Variants in NRROS observed in about 807,000 individuals in gnomAD.
NRROS encodes the protein transforming growth factor beta activator LRRC33.
A neutral mutation model predicts 12.0 loss-of-function variants in NRROS; 6 were observed. The observed-to-expected ratio is 0.50, with a 90% CI of 0.27 to 0.98. The LOEUF is 0.98. Ranked by LOEUF, NRROS falls within the 50% of genes least tolerant of loss-of-function variation. The pLI is 0.11. For missense variants in NRROS, 857 were observed against 888.2 expected (o/e 0.96, Z 0.45); for synonymous variants, 462 against 410.2 (o/e 1.13, Z -1.53).
At chr3:196,642,271 T>G (rs1737223180) in intron 1 of NRROS, among the ~76,000 whole-genome samples, 1 of 138,034 alleles carries the variant, frequency 7.2e-6, no homozygotes, top group African/African-American at 2.8e-5. Context: ...AAAACCAACG[T>G]AAATATGCTT....
chr3:196,660,155 G>T lies in NRROS; in HGVS notation c.512G>T (p.Arg171Leu). 1.9e-6 allele frequency: 3 copies of T among 1,613,036 alleles called. No individual in the cohort carries two copies. Among genetic ancestry groups the T allele is most frequent in the Non-Finnish European group, 2.5e-6 (3 of 1,179,976 alleles). Residue 171 changes from arginine (R) to leucine (L), a missense_variant, in exon 3 of 3, where the codon CGG becomes CTG. By Grantham distance (102) the Arg-to-Leu change is moderately radical. Transcript: ENST00000328557. This position sits in a 1 kb window ranked among gnomAD's most constrained non-coding sequence, Gnocchi z 7.7. ...TCCCTGGCGGGGAACACCATCATGC[G>T]GCTGGACGACTCCGTCTTCGAGGGC... is the stretch of plus-strand genomic sequence containing the variant. ...SVSLAGNTIM[R>L]LDDSVFEGLE...
At position 196,656,064 on chromosome 3, in the gene NRROS, G is replaced by A. The variant is rs200393674; in HGVS notation, c.108+1417G>A. Among the ~76,000 whole-genome samples the A allele has an allele frequency of 2.2e-4, 33 of 152,212 alleles. No homozygotes were observed. The South Asian group carries it at 3.1e-3, about 14-fold the overall frequency. On this transcript the variant is annotated intron_variant, in intron 2 of 2. Transcript: ENST00000328557. ...CACATGCTTGTAGTCCCAGCTACTC[G>A]GGAGGCTGAGGAAGATTGCTTGAAC...
At chr3:196,649,596 C>G (rs937725798) in intron 1 of NRROS, among the ~76,000 whole-genome samples, 1 of 152,118 alleles carries the variant, frequency 6.6e-6, no homozygotes, top group Non-Finnish European at 1.5e-5. Flanking sequence ...CTCAGCCTCC[C>G]GAGTAGCTGG....
intron 2 of NRROS, among the ~76,000 whole-genome samples, chr3:196,657,413 C>T (rs1421814036): frequency 1.3e-5 from 2 of 151,846 alleles, no homozygotes; most frequent in African/African-American, 2.4e-5. Context: ...AGGAGCGCAA[C>T]ACCCACTCAC....
chr3:196,640,690 GAAGT>G (rs1178903008), intron 1 of NRROS, among the ~76,000 whole-genome samples: 1 of 152,212 alleles, frequency 6.6e-6, no homozygotes, highest in African/African-American at 2.4e-5. Context: ...TAGACGGAAA[GAAGT>G]AAGGAGCCAC....
rs1292036656 is a variant in NRROS at position 196,659,908 on chromosome 3, C to T, written c.265C>T (p.His89Tyr). The T allele has an allele frequency of 1.9e-6, 3 of 1,614,018 alleles. No individual in the cohort carries two copies. The highest frequency in any genetic ancestry group is 2.5e-6 in the Non-Finnish European group (3 of 1,180,016). The change falls in exon 3 of 3, where the codon CAC becomes TAC. Residue 89 changes from histidine to tyrosine, a missense_variant. Coordinates refer to ENST00000328557, the MANE Select transcript of NRROS (RefSeq NM_198565.3). ...CCCTCTCCTGGAGAGCCTCAGCCTGCACAGCTGCCACCTGGAGCGCATCAG... is the reference window on the plus strand; with the variant it reads ...CCCTCTCCTGGAGAGCCTCAGCCTGTACAGCTGCCACCTGGAGCGCATCAG... ...PYPLLESLSLHSCHLERISRG... is the reference protein window; with the variant it reads ...PYPLLESLSLYSCHLERISRG...
rs760894051 is a variant in NRROS at position 196,660,297 on chromosome 3, C to G, written c.654C>G (p.Pro218=). ...TCAACCTGGCCTTCAACAACCTCCCCTGCATCGTGGACTTCGGGCTCACGC... is the reference window on the plus strand; with the variant it reads ...TCAACCTGGCCTTCAACAACCTCCCGTGCATCGTGGACTTCGGGCTCACGC... ...RHLNLAFNNL[P]CIVDFGLTRL... is the part of the protein sequence containing the mutation. The change falls in exon 3 of 3, where the codon CCC becomes CCG. Residue 218 remains proline, a synonymous_variant. Transcript: ENST00000328557. The surrounding 1 kb of genome is among the most constrained non-coding windows in gnomAD (Gnocchi z 7.7). 4 of 1,614,036 alleles carry G rather than the reference C, an allele frequency of 2.5e-6. No individual in the cohort carries two copies. In the Admixed American group the frequency reaches 5.0e-5, roughly 20 times the overall value.
chr3:196,651,283 C>G (rs7615838), intron 1 of NRROS, among the ~76,000 whole-genome samples: 1,768 of 152,274 alleles, frequency 0.012, 29 homozygotes, highest in South Asian at 0.054. Flanking sequence ...CTTGGCCATT[C>G]TCACATGATT....
intron 1 of NRROS, among the ~76,000 whole-genome samples, chr3:196,649,510 C>G (rs541651874): frequency 1.3e-5 from 2 of 151,980 alleles, no homozygotes; most frequent in Non-Finnish European, 2.9e-5. Context: ...CTCGCTCTGT[C>G]GCCCAGGCTG....
chr3:196,655,882 C>T (rs1737529319), intron 2 of NRROS, among the ~76,000 whole-genome samples: 1 of 152,100 alleles, frequency 6.6e-6, no homozygotes, highest in Admixed American at 6.5e-5. Context: ...GCTCAAGAAA[C>T]ACATATTTAG....
chr3:196,642,931 G>A (rs924145138), intron 1 of NRROS, among the ~76,000 whole-genome samples: 1 of 151,994 alleles, frequency 6.6e-6, no homozygotes, highest in Admixed American at 6.6e-5. Context: ...TTAGCTGGGT[G>A]TGGTGGTGAG....
chr3:196,660,806 T>C lies in NRROS; in HGVS notation c.1163T>C (p.Leu388Pro). Residue 388 changes from leucine to proline, a missense_variant, in exon 3 of 3, where the codon CTG (leucine) becomes CCG (proline). Transcript: ENST00000328557. The surrounding 1 kb of genome is among the most constrained non-coding windows in gnomAD (Gnocchi z 7.7). ...LTELDLSHNQ[L>P]SELHLAPGLA... is the part of the protein sequence containing the mutation. The stretch of plus-strand genomic sequence containing the variant: ...GAGCTGGACCTGAGCCACAACCAGC[T>C]GTCGGAGCTGCACCTGGCTCCGGGG... 6.2e-7 allele frequency: 1 copy of C among 1,613,748 alleles called. No individual in the cohort carries two copies. Among genetic ancestry groups the C allele is most frequent in the Non-Finnish European group, 8.5e-7 (1 of 1,180,036 alleles).
chr3:196,639,922 C>T (rs1737175215), intron 1 of NRROS, 47 bp downstream of exon 1: 1 of 152,404 alleles, frequency 6.6e-6, no homozygotes, highest in Admixed American at 6.5e-5. Context: ...AGCCGGGGCC[C>T]TTCTCCAGGT....
chr3:196,657,705 C>T (rs147725317), intron 2 of NRROS, among the ~76,000 whole-genome samples: 3,917 of 109,758 alleles, frequency 0.036, 75 homozygotes, highest in Non-Finnish European at 0.052. Flanking sequence ...GAGACTCTGT[C>T]TCAAAAAAAA....
At position 196,661,589 on chromosome 3, in the gene NRROS, G is replaced by T. The variant is rs766877881; in HGVS notation, c.1946G>T (p.Gly649Val). ...RDCKWERLDL[G>V]LLYLVLILPS... ...TGCAAGTGGGAGCGGCTGGACCTGG[G>T]CCTGCTCTACCTCGTGCTCATCCTC... The change falls in exon 3 of 3, where the codon GGC becomes GTC. Residue 649 changes from glycine to valine, a missense_variant. Coordinates refer to ENST00000328557, the MANE Select transcript of NRROS (RefSeq NM_198565.3). 1 of 1,613,784 alleles carries T rather than the reference G, an allele frequency of 6.2e-7. No homozygotes were observed. Among genetic ancestry groups the T allele is most frequent in the Non-Finnish European group, 8.5e-7 (1 of 1,180,018 alleles).
At position 196,660,506 on chromosome 3, in the gene NRROS, G is replaced by A. The variant is rs773554340; in HGVS notation, c.863G>A (p.Arg288Gln). The change falls in exon 3 of 3, where the codon CGG becomes CAG. Residue 288 changes from arginine to glutamine, a missense_variant. Coordinates refer to ENST00000328557, the MANE Select transcript of NRROS (RefSeq NM_198565.3). The surrounding 1 kb of genome is among the most constrained non-coding windows in gnomAD (Gnocchi z 7.7). ...CGCGACAACAACATGGGCTTCTACC[G>A]GGACCTGTACAACACCTCGTCGCCG... ...LLRDNNMGFY[R>Q]DLYNTSSPRE... is the part of the protein sequence containing the mutation. 3.7e-5 allele frequency: 60 copies of A among 1,613,984 alleles called. 1 individual carries two copies. The highest frequency in any genetic ancestry group is 3.4e-4 in the South Asian group (31 of 91,082).
intron 2 of NRROS, 94 bp from the exon 3 acceptor site, chr3:196,659,658 T>C: frequency 7.8e-7 from 1 of 1,281,784 alleles, no homozygotes; most frequent in South Asian, 1.4e-5. Flanking sequence ...TCCCCGGCGG[T>C]TGCAGGGACA....
At chr3:196,643,977 T>G (rs1212489709) in intron 1 of NRROS, among the ~76,000 whole-genome samples, 1 of 152,178 alleles carries the variant, frequency 6.6e-6, no homozygotes, top group Non-Finnish European at 1.5e-5. Context: ...ACCACCTCCT[T>G]CAACTTCAGC....
At chr3:196,655,056 A>G (rs2340532) in intron 2 of NRROS, 137,503 of 177,650 alleles carry the variant, frequency 0.77, 53,472 homozygotes, top group African/African-American at 0.84. Context: ...GGGCAACATG[A>G]TGAAACCACA....
Sources: allele counts gnomAD v4.1 joint callset (sites outside exome capture counted in the v4.1 genomes callset), GRCh38; gene constraint gnomAD v4.1.1; non-coding constraint Gnocchi (gnomAD v3.1); transcripts MANE v1.5; gene names NCBI Gene and HGNC (gene_info 2026-07-23, HGNC 2026-07-21).